The following NXNL1 variants were observed in gnomAD, a reference collection of about 807,000 sequenced individuals.
NXNL1 encodes nucleoredoxin like 1.
NXNL1 carries 6 observed loss-of-function variants against 7.2 expected under a neutral mutation model. The observed-to-expected ratio is 0.83, with a 90% CI of 0.46 to 1.64. The LOEUF (loss-of-function observed/expected upper bound fraction) is 1.64. Ranked by LOEUF, NXNL1 falls within the 40% of genes most tolerant of loss-of-function variation. The pLI, the probability that NXNL1 is intolerant of heterozygous loss-of-function variation, is 0.01. For synonymous variants in NXNL1, 133 were observed against 127.2 expected (o/e 1.05, Z -0.31); for missense variants, 308 against 285.1 (o/e 1.08, Z -0.58).
intron 1 of NXNL1, among the ~76,000 whole-genome samples, chr19:17,456,204 G>A (rs528777556): frequency 6.6e-6 from 1 of 152,008 alleles, no homozygotes; most frequent in African/African-American, 2.4e-5. Flanking sequence ...CGTCTGGAGC[G>A]CTCTCCTCAG....
Position 17,455,772 on chromosome 19 carries a change from G to A in NXNL1, c.514C>T (p.Gln172Ter), listed in dbSNP as rs1364157595. ...CACTCGGTGAGGCTCCGTGGCTCCT[G>A]GTCCTCCAGGTCCTCTGGCAGCTGG... The part of the protein sequence containing the change: ...NFQLPEDLED[Q>*]EPRSLTECLR... Residue 172 changes from glutamine (Q) to a stop codon, truncating the protein, a stop_gained, in exon 2 of 2, where the codon CAG (glutamine) becomes TAG (stop). Transcript: ENST00000301944. LOFTEE classifies it low-confidence loss of function (END_TRUNC). 1.3e-6 allele frequency: 2 copies of A among 1,545,564 alleles called. No homozygotes were observed. The highest frequency in any genetic ancestry group is 1.4e-5 in the African/African-American group (1 of 71,866).
chr19:17,455,596 G>A lies in NXNL1; in HGVS notation c.*51C>T, dbSNP rs776515139. ...GATTACAGGCGTGCGGGGGTGGGGT[G>A]GGGGTGGAGGTTCATCAACAAACCC... On this transcript the variant is annotated 3_prime_UTR_variant, in exon 2 of 2. Coordinates refer to ENST00000301944, the MANE Select transcript of NXNL1 (RefSeq NM_138454.2). 188 of 1,111,294 alleles carry A rather than the reference G, an allele frequency of 1.7e-4. No homozygotes were observed. The African/African-American group carries it at 2.7e-3, about 16-fold the overall frequency. The allele number at this position is 1,111,294 out of a possible 1,614,324, so 68.8% of individuals were successfully genotyped here.
Position 17,455,663 on chromosome 19 carries a change from G to GGCCCCCCCCC in NXNL1, c.622_623insGGGGGGGGGC (p.Ala208GlyfsTer12). On this transcript the variant is annotated frameshift_variant, in exon 2 of 2. Transcript: ENST00000301944. LOFTEE classifies it high-confidence loss of function. The stretch of plus-strand genomic sequence containing the variant: ...CCTAGCGGGTCAGAACAGCCCCCCG[G>GGCCCCCCCCC]CCCCGCCCTCCTCCCCACCCCCTCC... 1 of 771,714 alleles carries GGCCCCCCCCC rather than the reference G, an allele frequency of 1.3e-6. No individual in the cohort carries two copies. The allele number at this position is 771,714 out of a possible 1,614,324, so 47.8% of individuals were successfully genotyped here.
At chr19:17,457,112 T>C (rs2074996187) in intron 1 of NXNL1, among the ~76,000 whole-genome samples, 1 of 123,240 alleles carries the variant, frequency 8.1e-6, no homozygotes. Context: ...AAAAAAAAAT[T>C]GGAGGCTGGG....
chr19:17,458,089 G>A (rs370597564), intron 1 of NXNL1, among the ~76,000 whole-genome samples: 5 of 152,222 alleles, frequency 3.3e-5, no homozygotes, highest in African/African-American at 1.2e-4. Flanking sequence ...TGTGTCTATA[G>A]ACACGTATTT....
At position 17,455,970 on chromosome 19, in the gene NXNL1, G is replaced by C; in HGVS notation, c.327-11C>G. ...TGGCGCCCGAGGTCCCTGCGGAGCG[G>C]GCAGGTCAGTCTGGACGGATCCACA... On this transcript the variant is annotated splice_polypyrimidine_tract_variant and intron_variant, in intron 1 of 1. Coordinates refer to ENST00000301944, the MANE Select transcript of NXNL1 (RefSeq NM_138454.2). The C allele has an allele frequency of 1.9e-6, 3 of 1,597,586 alleles. No homozygotes were observed. Among genetic ancestry groups the C allele is most frequent in the Non-Finnish European group, 1.7e-6 (2 of 1,179,528 alleles).
intron 1 of NXNL1, among the ~76,000 whole-genome samples, chr19:17,457,698 C>T (rs148463364): frequency 7.4e-4 from 113 of 152,256 alleles, no homozygotes; most frequent in African/African-American, 1.1e-3. Flanking sequence ...CTGGACATCC[C>T]GTCTACGGGG....
intron 1 of NXNL1, among the ~76,000 whole-genome samples, chr19:17,456,911 T>C (rs1471875639): frequency 1.3e-5 from 2 of 151,764 alleles, no homozygotes; most frequent in Non-Finnish European, 1.5e-5. Flanking sequence ...TAGCCGGGTG[T>C]GGTGGCAGGC....
rs2075008090 is a variant in NXNL1, at chr19:17,460,399, GA to G, written c.326+144del. 5 of 834,526 alleles carry G rather than the reference GA, an allele frequency of 6.0e-6. No homozygotes were observed. The Admixed American group carries it at 8.4e-5, about 14-fold the overall frequency. The allele number at this position is 834,526 out of a possible 1,614,324, so 51.7% of individuals were successfully genotyped here. A position where few individuals can be genotyped will look rare whatever the true frequency, so the allele number is the denominator to read the frequency against. ...GGGGTGGCATGGAAGCCAGCATGTG[GA>G]AGTGGGCACCCCTGTCTGTACCCCC... On this transcript the variant is annotated intron_variant, in intron 1 of 1. Transcript: ENST00000301944.
chr19:17,455,569 G>A lies in NXNL1; in HGVS notation c.*78C>T. ...TCCCGCCTTGGCCTCCCCAAGTGCTGGGATTACAGGCGTGCGGGGGTGGGG... is the reference window on the plus strand; with the variant it reads ...TCCCGCCTTGGCCTCCCCAAGTGCTAGGATTACAGGCGTGCGGGGGTGGGG... On this transcript the variant is annotated 3_prime_UTR_variant, in exon 2 of 2. Coordinates refer to ENST00000301944, the MANE Select transcript of NXNL1 (RefSeq NM_138454.2). The A allele has an allele frequency of 1.1e-6, 1 of 898,012 alleles. No individual in the cohort carries two copies. Among genetic ancestry groups the A allele is most frequent in the Non-Finnish European group, 1.7e-6 (1 of 602,194 alleles). The allele number at this position is 898,012 out of a possible 1,614,324, so 55.6% of individuals were successfully genotyped here. A position where few individuals can be genotyped will look rare whatever the true frequency, so the allele number is the denominator to read the frequency against.
At chr19:17,457,324 C>T (rs2074996970) in intron 1 of NXNL1, among the ~76,000 whole-genome samples, 1 of 152,014 alleles carries the variant, frequency 6.6e-6, no homozygotes. Context: ...ATGCATGGGA[C>T]ATACTTATAC....
chr19:17,458,596 ATTTTTTTT>A (rs34265338), intron 1 of NXNL1, among the ~76,000 whole-genome samples: 3 of 87,852 alleles, frequency 3.4e-5, no homozygotes, highest in Admixed American at 1.6e-4. Flanking sequence ...GATCTTTTTA[ATTTTTTTT>A]TTTTTTTTTT....
chr19:17,457,105 A>AT (rs796985079), intron 1 of NXNL1, among the ~76,000 whole-genome samples: 9 of 150,448 alleles, frequency 6.0e-5, no homozygotes, highest in African/African-American at 2.2e-4. Context: ...AAAAAAAAAA[A>AT]AAAAATTGGA....
intron 1 of NXNL1, among the ~76,000 whole-genome samples, chr19:17,458,305 C>T (rs1389545752): frequency 1.3e-5 from 2 of 149,806 alleles, no homozygotes; most frequent in Non-Finnish European, 1.5e-5. Context: ...CTGCAAGCTC[C>T]ACCTCCCGGG....
intron 1 of NXNL1, among the ~76,000 whole-genome samples, chr19:17,459,965 T>C (rs2144517993): frequency 6.6e-6 from 1 of 152,220 alleles, no homozygotes; most frequent in East Asian, 1.9e-4. Flanking sequence ...TTCCACTTTG[T>C]GGCCTAGCTT....
chr19:17,455,729 T>A lies in NXNL1; in HGVS notation c.557A>T (p.Tyr186Phe). Residue 186 changes from tyrosine (Y) to phenylalanine (F), a missense_variant, in exon 2 of 2, where the codon TAC becomes TTC. Physicochemically the swap from Tyr to Phe is conservative, Grantham distance 22 (BLOSUM62 3). Transcript: ENST00000301944. ...GCCTCGCGCCGCCTTTTCCACGCGG[T>A]ACTTGTGGCGGCGCAGGCACTCGGT... Reference protein sequence around the residue: ...SLTECLRRHKYRVEKAARGGR... With the variant: ...SLTECLRRHKFRVEKAARGGR... The A allele has an allele frequency of 7.9e-7, 1 of 1,267,538 alleles. No individual in the cohort carries two copies. Among genetic ancestry groups the A allele is most frequent in the East Asian group, 6.1e-5 (1 of 16,502 alleles). 78.5% of individuals were successfully genotyped at this position (1,267,538 alleles called of 1,614,324 possible). A position where few individuals can be genotyped will look rare whatever the true frequency, so the allele number is the denominator to read the frequency against.
At position 17,455,601 on chromosome 19, in the gene NXNL1, T is replaced by G; in HGVS notation, c.*46A>C. 1 of 1,170,008 alleles carries G rather than the reference T, an allele frequency of 8.5e-7. No homozygotes were observed. Among genetic ancestry groups the G allele is most frequent in the Non-Finnish European group, 1.2e-6 (1 of 832,824 alleles). 72.5% of individuals were successfully genotyped at this position (1,170,008 alleles called of 1,614,324 possible). A position where few individuals can be genotyped will look rare whatever the true frequency, so the allele number is the denominator to read the frequency against. ...CAGGCGTGCGGGGGTGGGGTGGGGG[T>G]GGAGGTTCATCAACAAACCCCACTC... On this transcript the variant is annotated 3_prime_UTR_variant, in exon 2 of 2. Coordinates refer to ENST00000301944, the MANE Select transcript of NXNL1 (RefSeq NM_138454.2).
chr19:17,458,737 G>C (rs1303043899), intron 1 of NXNL1, among the ~76,000 whole-genome samples: 2 of 151,326 alleles, frequency 1.3e-5, no homozygotes, highest in Non-Finnish European at 2.9e-5. Flanking sequence ...GAGTAGCTGG[G>C]ACTACAGGTA....
In NXNL1 at chr19:17,455,732, T is replaced by C. The variant is rs528840771; in HGVS notation, c.554A>G (p.Lys185Arg). 2.6e-5 allele frequency: 33 copies of C among 1,292,078 alleles called. 1 individual carries two copies. In the South Asian group the frequency reaches 3.7e-4, roughly 14 times the overall value. 80.0% of individuals were successfully genotyped at this position (1,292,078 alleles called of 1,614,324 possible). A position where few individuals can be genotyped will look rare whatever the true frequency, so the allele number is the denominator to read the frequency against. Residue 185 changes from lysine (K) to arginine (R), a missense_variant, in exon 2 of 2, where the codon AAG becomes AGG. Coordinates refer to ENST00000301944, the MANE Select transcript of NXNL1 (RefSeq NM_138454.2). ...TCGCGCCGCCTTTTCCACGCGGTAC[T>C]TGTGGCGGCGCAGGCACTCGGTGAG... ...RSLTECLRRHKYRVEKAARGG... is the reference protein window; with the variant it reads ...RSLTECLRRHRYRVEKAARGG...
Sources: allele counts gnomAD v4.1 joint callset (sites outside exome capture counted in the v4.1 genomes callset), GRCh38; gene constraint gnomAD v4.1.1; transcripts MANE v1.5; gene names NCBI Gene and HGNC (gene_info 2026-07-23, HGNC 2026-07-21).